The following PDE3A variants were observed in gnomAD, a reference collection of about 807,000 sequenced individuals.
PDE3A encodes cGMP-inhibited 3',5'-cyclic phosphodiesterase 3A.
In PDE3A, 43 loss-of-function variants were observed where a neutral mutation model predicts 98.3. The observed-to-expected ratio is 0.44, with a 90% CI of 0.34 to 0.56. The LOEUF (loss-of-function observed/expected upper bound fraction) is 0.56, where lower values mean the gene tolerates loss of function less well. PDE3A is among the 20% of genes least tolerant of loss of function. The pLI is 0.01. For missense variants in PDE3A, 1,427 were observed against 1,440.7 expected (o/e 0.99, Z 0.15); for synonymous variants, 663 against 567.9 (o/e 1.17, Z -2.38).
intron 4 of PDE3A, 66 bp downstream of exon 4, chr12:20,616,450 A>G: frequency 6.7e-7 from 1 of 1,483,910 alleles, no homozygotes; most frequent in South Asian, 1.2e-5. Context: ...TGAGTTATAA[A>G]TTACAGGAGA....
At chr12:20,398,865 A>C (rs1342479750) in intron 1 of PDE3A, among the ~76,000 whole-genome samples, 1 of 152,158 alleles carries the variant, frequency 6.6e-6, no homozygotes, top group Admixed American at 6.5e-5. Context: ...TATACAGTTC[A>C]GTGACATTAA....
intron 1 of PDE3A, among the ~76,000 whole-genome samples, chr12:20,479,026 T>A (rs1945578306): frequency 6.6e-6 from 1 of 152,222 alleles, no homozygotes; most frequent in Non-Finnish European, 1.5e-5. Context: ...AACCCACATT[T>A]TATTATGGCC....
chr12:20,501,069 A>G (rs1157784617), intron 1 of PDE3A, among the ~76,000 whole-genome samples: 1 of 152,186 alleles, frequency 6.6e-6, no homozygotes, highest in Non-Finnish European at 1.5e-5. Flanking sequence ...CAGCTGGCCA[A>G]GGCTTTTATT....
chr12:20,625,402 G>A (rs1944238152), intron 5 of PDE3A, among the ~76,000 whole-genome samples: 1 of 152,112 alleles, frequency 6.6e-6, no homozygotes, highest in African/African-American at 2.4e-5. Context: ...GCTGCCGACT[G>A]CAGTGATAAG....
intron 1 of PDE3A, among the ~76,000 whole-genome samples, chr12:20,461,089 T>G (rs1945240225): frequency 1.3e-5 from 2 of 152,012 alleles, no homozygotes; most frequent in African/African-American, 4.8e-5. Context: ...TTTGCTAAAT[T>G]ATTTGCCTTT....
chr12:20,555,220 AC>A (rs1565587676), intron 1 of PDE3A, among the ~76,000 whole-genome samples: 1 of 152,090 alleles, frequency 6.6e-6, no homozygotes, highest in South Asian at 2.1e-4. Flanking sequence ...GACAGGGTTG[AC>A]CCGTCTGGTC....
intron 1 of PDE3A, among the ~76,000 whole-genome samples, chr12:20,550,530 T>C (rs977447977): frequency 6.6e-6 from 1 of 152,068 alleles, no homozygotes; most frequent in Non-Finnish European, 1.5e-5. Flanking sequence ...TTAGTATCAA[T>C]AAATATTTTT....
rs142467630 is a variant in PDE3A, at chr12:20,561,000, C to T, written c.1011+4290C>T. On this transcript the variant is annotated intron_variant, in intron 2 of 15. Transcript: ENST00000359062. ...AGTAGAGGCCAGGGGCAGTGGCTCA[C>T]GCTTGTAATCCCGGCACTTTGGGAG... 2.5e-3 allele frequency among the ~76,000 whole-genome samples: 378 copies of T among 149,002 alleles called. No homozygotes were observed. The East Asian group carries it at 0.03, about 12-fold the overall frequency.
At chr12:20,625,474 G>A (rs1490852535) in intron 5 of PDE3A, among the ~76,000 whole-genome samples, 2 of 152,112 alleles carry the variant, frequency 1.3e-5, no homozygotes, top group African/African-American at 2.4e-5. Flanking sequence ...AAAATATAGA[G>A]AACTTTAATC....
intron 1 of PDE3A, among the ~76,000 whole-genome samples, chr12:20,398,729 CTT>C (rs1565536823): frequency 6.6e-6 from 1 of 152,094 alleles, no homozygotes; most frequent in Non-Finnish European, 1.5e-5. Context: ...TAAACCAAAA[CTT>C]TTGTTTACTC....
chr12:20,678,918 C>A (rs922159246), intron 15 of PDE3A, among the ~76,000 whole-genome samples: 2 of 151,812 alleles, frequency 1.3e-5, no homozygotes, highest in African/African-American at 4.8e-5. Flanking sequence ...AAAAGTTCCC[C>A]CTAAATGATT....
chr12:20,614,497 T>C (rs921607421), intron 3 of PDE3A, among the ~76,000 whole-genome samples: 3 of 152,176 alleles, frequency 2.0e-5, no homozygotes, highest in African/African-American at 7.2e-5. Context: ...TGTGAGTCTC[T>C]TCTCTCAGGA....
chr12:20,423,271 T>TTG (rs1340055897), intron 1 of PDE3A, among the ~76,000 whole-genome samples: 1 of 152,214 alleles, frequency 6.6e-6, no homozygotes, highest in Non-Finnish European at 1.5e-5. Context: ...CAATTAGATA[T>TTG]TGTGTGTGTC....
chr12:20,370,295 C>T, intron 1 of PDE3A, 51 bp downstream of exon 1: 1 of 1,468,842 alleles, frequency 6.8e-7, no homozygotes, highest in Non-Finnish European at 9.0e-7. Context: ...AAACACTTGG[C>T]AACCGGCGCA....
At chr12:20,574,715 A>G (rs1220362451) in intron 2 of PDE3A, among the ~76,000 whole-genome samples, 1 of 152,032 alleles carries the variant, frequency 6.6e-6, no homozygotes, top group African/African-American at 2.4e-5. Context: ...ATCCTTCAGA[A>G]AATGACTTAC....
rs548362723 is a variant in PDE3A at position 20,517,000 on chromosome 12, C to A, written c.961-39660C>A. Reference sequence around the variant, plus strand: ...CTCTTTGTACAGATGGGAAAAAGAGCCCCAGGAGAGCACAAGATTTGCTCG... The same window carrying A: ...CTCTTTGTACAGATGGGAAAAAGAGACCCAGGAGAGCACAAGATTTGCTCG... On this transcript the variant is annotated intron_variant, in intron 1 of 15. Transcript: ENST00000359062. Among the ~76,000 whole-genome samples, 7 of 152,276 alleles carry A rather than the reference C, an allele frequency of 4.6e-5. No individual in the cohort carries two copies. In the East Asian group the frequency reaches 1.4e-3, roughly 29 times the overall value.
intron 15 of PDE3A, among the ~76,000 whole-genome samples, chr12:20,668,266 T>TG (rs2120394937): frequency 6.6e-6 from 1 of 152,254 alleles, no homozygotes; most frequent in South Asian, 2.1e-4. Flanking sequence ...GCAGTGAGGC[T>TG]GGGGGAGGGG....
intron 1 of PDE3A, among the ~76,000 whole-genome samples, chr12:20,484,904 G>A (rs1237754924): frequency 6.6e-6 from 1 of 152,094 alleles, no homozygotes; most frequent in Non-Finnish European, 1.5e-5. Flanking sequence ...TGGTTTGTGT[G>A]TTGATGGGTG....
chr12:20,489,988 T>C (rs1169354508), intron 1 of PDE3A, among the ~76,000 whole-genome samples: 1 of 152,194 alleles, frequency 6.6e-6, no homozygotes, highest in Non-Finnish European at 1.5e-5. Flanking sequence ...TTGAGTGACA[T>C]CTGGAGGCTT....
Sources: allele counts gnomAD v4.1 joint callset (sites outside exome capture counted in the v4.1 genomes callset), GRCh38; gene constraint gnomAD v4.1.1; transcripts MANE v1.5; gene names NCBI Gene and HGNC (gene_info 2026-07-23, HGNC 2026-07-21).